DCC: variants seen among roughly 807,000 people sequenced by gnomAD.
The protein encoded by DCC is DCC netrin 1 receptor, also known as netrin receptor DCC.
Under a neutral mutation model 172.5 loss-of-function variants are expected in DCC, and 58 were observed. That is an observed-to-expected ratio of 0.34 (90% CI 0.27 to 0.42). DCC has a LOEUF of 0.42. DCC is among the 10% of genes least tolerant of loss of function. The probability of loss-of-function intolerance (pLI) is 1.00; values close to 1 mark genes in which losing one functional copy is unlikely to be tolerated. For synonymous variants in DCC, 709 were observed against 644.5 expected, an observed-to-expected ratio of 1.10 and a Z score of -1.52; for missense variants, 1,740 against 1,791.0, an observed-to-expected ratio of 0.97 and a Z score of 0.51.
At chr18:52,981,027 AT>A (rs1160712542) in intron 5 of DCC, among the ~76,000 whole-genome samples, 24 of 151,712 alleles carry the variant, frequency 1.6e-4, no homozygotes, top group African/African-American at 5.1e-4. Context: ...GAGCCTATAC[AT>A]TTTTCTTTAA....
At chr18:53,511,316 C>G (rs1330244384) in intron 27 of DCC, among the ~76,000 whole-genome samples, 2 of 152,216 alleles carry the variant, frequency 1.3e-5, no homozygotes, top group Non-Finnish European at 2.9e-5. Context: ...TCCTCCCTCC[C>G]TGACTACAAG....
At chr18:53,242,248 T>C (rs2056306196) in intron 12 of DCC, among the ~76,000 whole-genome samples, 1 of 152,136 alleles carries the variant, frequency 6.6e-6, no homozygotes, top group South Asian at 2.1e-4. Context: ...AAAGGAGAGC[T>C]AATTGGCTAG....
At chr18:52,397,564 T>C (rs1986278264) in intron 1 of DCC, among the ~76,000 whole-genome samples, 1 of 152,058 alleles carries the variant, frequency 6.6e-6, no homozygotes, top group Admixed American at 6.6e-5. Flanking sequence ...GCCTTTTCTT[T>C]CATGTGATAA....
At chr18:52,695,097 G>A (rs994662124) in intron 1 of DCC, among the ~76,000 whole-genome samples, 2 of 152,070 alleles carry the variant, frequency 1.3e-5, no homozygotes, top group South Asian at 4.1e-4. Flanking sequence ...CAGGTTGAAA[G>A]GAATGAATTT....
intron 27 of DCC, among the ~76,000 whole-genome samples, chr18:53,517,669 G>A (rs988409160): frequency 2.0e-5 from 3 of 151,978 alleles, no homozygotes; most frequent in African/African-American, 7.3e-5. Flanking sequence ...GCAGAGAGGG[G>A]AGCAGGGCAC....
intron 15 of DCC, among the ~76,000 whole-genome samples, chr18:53,359,063 G>A (rs1276498913): frequency 1.3e-5 from 2 of 152,110 alleles, no homozygotes; most frequent in African/African-American, 4.8e-5. Context: ...TATGTACTGT[G>A]TATAAGACTG....
chr18:53,316,011 C>T (rs1278831678), intron 13 of DCC, among the ~76,000 whole-genome samples: 4 of 152,096 alleles, frequency 2.6e-5, no homozygotes, highest in Non-Finnish European at 4.4e-5. Flanking sequence ...GTTGCCATTG[C>T]TTTTGGTGTT....
chr18:52,994,102 C>T (rs1383170483), intron 5 of DCC, among the ~76,000 whole-genome samples: 1 of 152,066 alleles, frequency 6.6e-6, no homozygotes, highest in Non-Finnish European at 1.5e-5. Context: ...AGGAATAGTC[C>T]TATTGCTTAA....
intron 12 of DCC, among the ~76,000 whole-genome samples, chr18:53,219,998 G>A (rs1598918073): frequency 1.6e-5 from 1 of 61,324 alleles, no homozygotes; most frequent in Non-Finnish European, 4.8e-5. Context: ...GGATTTTGAT[G>A]GAAGTCTCTA....
intron 15 of DCC, among the ~76,000 whole-genome samples, chr18:53,343,774 C>A (rs1191972299): frequency 6.6e-6 from 1 of 151,932 alleles, no homozygotes; most frequent in African/African-American, 2.4e-5. Flanking sequence ...CTAATGAAAT[C>A]ATCTGGACCT....
chr18:52,844,459 C>T (rs1023074300), intron 2 of DCC, among the ~76,000 whole-genome samples: 1 of 152,154 alleles, frequency 6.6e-6, no homozygotes, highest in South Asian at 2.1e-4. Flanking sequence ...TGTATGTTTT[C>T]CACACACATA....
chr18:52,646,535 C>T (rs998401914), intron 1 of DCC, among the ~76,000 whole-genome samples: 2 of 152,180 alleles, frequency 1.3e-5, no homozygotes, highest in Non-Finnish European at 2.9e-5. Flanking sequence ...CTTCTGATCA[C>T]CCAGCTATCG....
intron 5 of DCC, among the ~76,000 whole-genome samples, chr18:53,040,089 A>G (rs2042148446): frequency 6.6e-6 from 1 of 151,956 alleles, no homozygotes; most frequent in African/African-American, 2.4e-5. Flanking sequence ...CACTGATTAA[A>G]TGCAGGGTGT....
At chr18:52,915,117 C>G (rs941464755) in intron 3 of DCC, among the ~76,000 whole-genome samples, 1 of 152,138 alleles carries the variant, frequency 6.6e-6, no homozygotes, top group Admixed American at 6.6e-5. Flanking sequence ...CAGATGTCAA[C>G]AGTCCATAAT....
intron 2 of DCC, among the ~76,000 whole-genome samples, chr18:52,793,521 T>C (rs531933381): frequency 6.6e-6 from 1 of 152,344 alleles, no homozygotes; most frequent in East Asian, 1.9e-4. Flanking sequence ...TTTCAGTTCT[T>C]TGTATATTCT....
intron 1 of DCC, among the ~76,000 whole-genome samples, chr18:52,463,204 G>A (rs73955646): frequency 0.041 from 6,242 of 152,026 alleles, 176 homozygotes; most frequent in South Asian, 0.12. Context: ...TTTCTTGCTC[G>A]TGTGATCCTT....
At chr18:53,325,053 C>T (rs147291389) in intron 14 of DCC, among the ~76,000 whole-genome samples, 1,688 of 151,812 alleles carry the variant, frequency 0.011, 34 homozygotes, top group African/African-American at 0.039. Context: ...ATTAGCTGGG[C>T]GTGGTGGTGC....
rs527311941 is a variant in DCC, at chr18:53,249,686, A to C, written c.1911+34089A>C. 3.9e-5 allele frequency among the ~76,000 whole-genome samples: 6 copies of C among 152,140 alleles called. No homozygotes were observed. In the South Asian group the frequency reaches 1.2e-3, roughly 32 times the overall value. On this transcript the variant is annotated intron_variant, in intron 12 of 28. Coordinates refer to ENST00000442544, the MANE Select transcript of DCC (RefSeq NM_005215.4). The stretch of plus-strand genomic sequence containing the variant: ...AATAATAGGAGGCGTAACAGTAGAA[A>C]GAAATGTGTTCCCTAAGAACCACAT...
intron 15 of DCC, among the ~76,000 whole-genome samples, chr18:53,365,393 AATAT>A (rs57174501): frequency 6.8e-6 from 1 of 147,330 alleles, no homozygotes; most frequent in Admixed American, 6.7e-5. Context: ...AAAGTACAGT[AATAT>A]ATATATATAT....
Sources: allele counts gnomAD v4.1 joint callset (sites outside exome capture counted in the v4.1 genomes callset), GRCh38; gene constraint gnomAD v4.1.1; transcripts MANE v1.5; gene names NCBI Gene and HGNC (gene_info 2026-07-23, HGNC 2026-07-21).